CD226: variants seen among roughly 807,000 people sequenced by gnomAD.
CD226 encodes CD226 molecule, also known as CD226 antigen.
A neutral mutation model predicts 34.9 loss-of-function variants in CD226; 24 were observed. That is an observed-to-expected ratio of 0.69 (90% confidence interval 0.50 to 0.97). CD226 has a LOEUF of 0.97. CD226 is among the 50% of genes least tolerant of loss of function. The probability of loss-of-function intolerance (pLI) is 0.00; values close to 1 mark genes in which losing one functional copy is unlikely to be tolerated. For missense variants in CD226, 397 were observed against 412.7 expected (o/e 0.96, Z 0.33); for synonymous variants, 148 against 147.4 (o/e 1.00, Z -0.03).
rs144472352 is a variant in CD226 at position 69,928,882 on chromosome 18, G to C, written c.382+17852C>G. ...AATTCAGAAATGCAGAGGATGCCTA[G>C]GGAATTTGCACTTAACCATGTTTGG... On this transcript the variant is annotated intron_variant, in intron 2 of 5. Coordinates refer to ENST00000582621, the MANE Select transcript of CD226 (RefSeq NM_001303618.2). Among the ~76,000 whole-genome samples, 155 of 152,294 alleles carry C rather than the reference G, an allele frequency of 1.0e-3. 1 individual carries two copies. The highest frequency in any genetic ancestry group is 3.2e-3 in the African/African-American group (131 of 41,562).
chr18:69,865,659 T>C (rs73970288), intron 5 of CD226, among the ~76,000 whole-genome samples: 3 of 152,288 alleles, frequency 2.0e-5, no homozygotes, highest in African/African-American at 7.2e-5. Flanking sequence ...GATTCTACAG[T>C]TGGCATCAAG....
intron 1 of CD226, among the ~76,000 whole-genome samples, chr18:69,954,518 C>A (rs12955015): frequency 0.85 from 129,254 of 151,920 alleles, 57,951 homozygotes; most frequent in East Asian, 1. Flanking sequence ...ACCGTGCTGC[C>A]TCAAATCCTA....
upstream of CD226, among the ~76,000 whole-genome samples, chr18:69,958,283 T>C (rs925615139): frequency 1.1e-4 from 16 of 152,206 alleles, no homozygotes; most frequent in African/African-American, 3.9e-4. Context: ...CCCTTGACCA[T>C]GCCAGGTGCT....
intron 2 of CD226, among the ~76,000 whole-genome samples, chr18:69,933,575 C>T (rs1437470497): frequency 1.3e-5 from 2 of 152,184 alleles, no homozygotes; most frequent in African/African-American, 2.4e-5. Flanking sequence ...TTGGCCCAAA[C>T]GTTTTACATG....
intron 2 of CD226, among the ~76,000 whole-genome samples, chr18:69,935,999 G>A (rs1027220433): frequency 9.9e-5 from 15 of 152,096 alleles, no homozygotes; most frequent in Non-Finnish European, 1.5e-5. Flanking sequence ...TCTGGATTTT[G>A]CTACAGCTCA....
chr18:69,877,821 G>A lies in CD226; in HGVS notation c.728-4575C>T, dbSNP rs190121523. Among the ~76,000 whole-genome samples, 262 of 152,240 alleles carry A rather than the reference G, an allele frequency of 1.7e-3. 2 individuals carry two copies. The highest frequency in any genetic ancestry group is 6.8e-3 in the Middle Eastern group (2 of 294). On this transcript the variant is annotated intron_variant, in intron 3 of 5. Coordinates refer to ENST00000582621, the MANE Select transcript of CD226 (RefSeq NM_001303618.2). ...TCCTAGACAATTTAAAAATAGTTAG[G>A]GAAAAAGGATTTTTTCTTAAGAAAT...
At chr18:69,934,365 T>C (rs1184074235) in intron 2 of CD226, among the ~76,000 whole-genome samples, 1 of 151,932 alleles carries the variant, frequency 6.6e-6, no homozygotes. Flanking sequence ...TGGTAGCATA[T>C]AGAATTTTAT....
intron 2 of CD226, among the ~76,000 whole-genome samples, chr18:69,914,663 G>C (rs2055364570): frequency 6.6e-6 from 1 of 152,094 alleles, no homozygotes; most frequent in South Asian, 2.1e-4. Context: ...CTGTCATTCT[G>C]TTACTCCCAA....
chr18:69,928,520 G>T (rs1279814865), intron 2 of CD226, among the ~76,000 whole-genome samples: 1 of 152,160 alleles, frequency 6.6e-6, no homozygotes, highest in African/African-American at 2.4e-5. Flanking sequence ...AGGAAACATG[G>T]ATTCCTGTTT....
intron 2 of CD226, among the ~76,000 whole-genome samples, chr18:69,940,567 A>T (rs1226296913): frequency 6.6e-6 from 1 of 152,220 alleles, no homozygotes. Flanking sequence ...GAAATGGAGT[A>T]AAGGTCACTC....
At chr18:69,940,872 C>T (rs1213872236) in intron 2 of CD226, among the ~76,000 whole-genome samples, 1 of 152,182 alleles carries the variant, frequency 6.6e-6, no homozygotes, top group African/African-American at 2.4e-5. Flanking sequence ...ATGTCAGAGA[C>T]CTTCATGGCA....
At position 69,864,231 on chromosome 18, in the gene CD226, T is replaced by C. The variant is rs1982988445; in HGVS notation, c.*83A>G. The C allele has an allele frequency of 1.5e-5, 19 of 1,303,686 alleles. No homozygotes were observed. The East Asian group carries it at 3.3e-4, about 22-fold the overall frequency. 80.8% of individuals were successfully genotyped at this position (1,303,686 alleles called of 1,614,324 possible). ...AGACAACTAGTATCTAAGGTAGACC[T>C]TGGGTAGTGGAAAAAAATTGCATAA... On this transcript the variant is annotated 3_prime_UTR_variant, in exon 6 of 6. Coordinates refer to ENST00000582621, the MANE Select transcript of CD226 (RefSeq NM_001303618.2).
chr18:69,893,341 GT>G (rs1985017278), intron 3 of CD226, among the ~76,000 whole-genome samples: 1 of 152,160 alleles, frequency 6.6e-6, no homozygotes, highest in African/African-American at 2.4e-5. Flanking sequence ...CAAAGAAATA[GT>G]TTTGTGCAAG....
intron 2 of CD226, among the ~76,000 whole-genome samples, chr18:69,923,896 G>A (rs1283483364): frequency 6.6e-6 from 1 of 151,118 alleles, no homozygotes; most frequent in African/African-American, 2.4e-5. Context: ...GGAGCTTGCA[G>A]TGAGCCGAGA....
rs113291697 is a variant in CD226, at chr18:69,932,398, T to C, written c.382+14336A>G. Among the ~76,000 whole-genome samples, 561 of 152,330 alleles carry C rather than the reference T, an allele frequency of 3.7e-3. 1 individual carries two copies. Among genetic ancestry groups the C allele is most frequent in the African/African-American group, 0.012 (511 of 41,568 alleles). The stretch of plus-strand genomic sequence containing the variant: ...CAAAGAAAATGCATCTAAGTAAGCA[T>C]GTGGGTTTGCTGTGAACATGCAGTT... On this transcript the variant is annotated intron_variant, in intron 2 of 5. Transcript: ENST00000582621.
intron 3 of CD226, among the ~76,000 whole-genome samples, chr18:69,881,331 T>C (rs1390315872): frequency 6.6e-6 from 1 of 152,244 alleles, no homozygotes; most frequent in African/African-American, 2.4e-5. Context: ...TTCTATATAA[T>C]GTAAACAAAT....
Position 69,895,948 on chromosome 18 carries a change from C to A in CD226, c.480G>T (p.Val160=). 6.2e-7 allele frequency: 1 copy of A among 1,614,060 alleles called. No homozygotes were observed. The highest frequency in any genetic ancestry group is 8.5e-7 in the Non-Finnish European group (1 of 1,179,984). The stretch of plus-strand genomic sequence containing the variant: ...GGATCTTTTCCCACCTCACTGCCTG[C>A]ACAGGCCACGTCATCTGAGGCTGAC... ...LTCQPQMTWP[V]QAVRWEKIQP... The change falls in exon 3 of 6, where the codon GTG becomes GTT. Residue 160 remains valine, a synonymous_variant. Coordinates refer to ENST00000582621, the MANE Select transcript of CD226 (RefSeq NM_001303618.2).
At chr18:69,866,317 A>C (rs1431417045) in intron 5 of CD226, among the ~76,000 whole-genome samples, 1 of 152,284 alleles carries the variant, frequency 6.6e-6, no homozygotes, top group East Asian at 1.9e-4. Flanking sequence ...GATGCTATGC[A>C]TTAAAGGAAG....
chr18:69,895,815 T>C lies in CD226; in HGVS notation c.613A>G (p.Ser205Gly), dbSNP rs776758311. 2 of 1,614,188 alleles carry C rather than the reference T, an allele frequency of 1.2e-6. No individual in the cohort carries two copies. Among genetic ancestry groups the C allele is most frequent in the East Asian group, 4.5e-5 (2 of 44,878 alleles). ...GTGACATCGGGGATGACGATGACGC[T>C]CCACCTTCCGTGGCTGCAGTTGCTC... The part of the protein sequence containing the change: ...IVSNCSHGRW[S>G]VIVIPDVTVS... Residue 205 changes from serine to glycine, a missense_variant, in exon 3 of 6, where the codon AGC (serine) becomes GGC (glycine). Transcript: ENST00000582621.
Sources: gnomAD v4.1 joint callset for allele counts (sites outside exome capture counted in the v4.1 genomes callset) on GRCh38, gnomAD v4.1.1 for gene constraint, MANE v1.5 for transcripts, NCBI Gene and HGNC (gene_info 2026-07-23, HGNC 2026-07-21) for gene names.